The following PBX3 variants were observed in gnomAD, a reference collection of about 807,000 sequenced individuals.
PBX3 encodes the protein PBX homeobox 3.
A neutral mutation model predicts 48.5 loss-of-function variants in PBX3; 14 were observed. The ratio of observed to expected loss-of-function variants is 0.29; its 90% confidence interval spans 0.19 to 0.45. PBX3 has a LOEUF of 0.45. Among genes scored for constraint, PBX3 ranks in the 20% least tolerant of loss-of-function variants. The pLI, the probability that PBX3 is intolerant of heterozygous loss-of-function variation, is 1.00. For synonymous variants in PBX3, 210 were observed against 200.3 expected (o/e 1.05, Z -0.41); for missense variants, 386 against 546.7 (o/e 0.71, Z 2.93).
chr9:125,815,816 G>A (rs1045640070), intron 2 of PBX3, among the ~76,000 whole-genome samples: 1 of 152,050 alleles, frequency 6.6e-6, no homozygotes, highest in African/African-American at 2.4e-5. Flanking sequence ...CAAGGTTGGA[G>A]CCTCTGTCAG....
At chr9:125,836,869 T>C (rs551196307) in intron 2 of PBX3, among the ~76,000 whole-genome samples, 62 of 152,198 alleles carry the variant, frequency 4.1e-4, no homozygotes, top group African/African-American at 1.5e-3. Context: ...TTAGCAAAGA[T>C]CAAAAAGTAT....
intron 2 of PBX3, among the ~76,000 whole-genome samples, chr9:125,873,149 C>T (rs527400153): frequency 1.1e-4 from 17 of 152,062 alleles, no homozygotes; most frequent in Non-Finnish European, 2.1e-4. Flanking sequence ...TGCGCCACTG[C>T]ACTCCAGCCT....
intron 2 of PBX3, among the ~76,000 whole-genome samples, chr9:125,784,962 TC>T (rs777349070): frequency 6.6e-6 from 1 of 152,232 alleles, no homozygotes; most frequent in Non-Finnish European, 1.5e-5. Context: ...CTTTTAAATG[TC>T]CTAATTTCTC....
In PBX3 at chr9:125,950,950, A is replaced by G. The variant is rs374987191; in HGVS notation, c.844-9734A>G. On this transcript the variant is annotated intron_variant, in intron 5 of 8. Coordinates refer to ENST00000373489, the MANE Select transcript of PBX3 (RefSeq NM_006195.6). ...AAAAAGAAATGAAATTGAGTAAAGA[A>G]TAATTTTCGAAACTTGTTTTAAGTA... is the stretch of plus-strand genomic sequence containing the variant. 1.1e-4 allele frequency among the ~76,000 whole-genome samples: 16 copies of G among 152,354 alleles called. No homozygotes were observed. In the South Asian group the frequency reaches 2.9e-3, roughly 28 times the overall value.
chr9:125,752,915 A>C (rs529225788), intron 2 of PBX3, among the ~76,000 whole-genome samples: 1 of 152,244 alleles, frequency 6.6e-6, no homozygotes, highest in East Asian at 1.9e-4. Context: ...TTGTGTTTTC[A>C]TGAAACACAT....
chr9:125,947,323 G>T (rs568595795), intron 5 of PBX3, among the ~76,000 whole-genome samples: 4 of 152,206 alleles, frequency 2.6e-5, no homozygotes, highest in African/African-American at 9.6e-5. Flanking sequence ...TTTGCTTATA[G>T]TATGTATAGA....
At chr9:125,861,947 G>T (rs1839872140) in intron 2 of PBX3, among the ~76,000 whole-genome samples, 1 of 152,090 alleles carries the variant, frequency 6.6e-6, no homozygotes. Context: ...TATACTTTAG[G>T]TATATTGTAT....
chr9:125,898,249 C>T (rs1020292713), intron 2 of PBX3, among the ~76,000 whole-genome samples: 10 of 151,814 alleles, frequency 6.6e-5, no homozygotes, highest in Admixed American at 2.0e-4. Context: ...CTCTCCCGAC[C>T]TCTACCTCTC....
intron 5 of PBX3, among the ~76,000 whole-genome samples, chr9:125,942,576 T>C (rs1353740866): frequency 6.6e-6 from 1 of 152,252 alleles, no homozygotes; most frequent in Non-Finnish European, 1.5e-5. Flanking sequence ...CAGTACTTTT[T>C]TTCAGCTATA....
chr9:125,929,519 G>A, intron 3 of PBX3, 136 bp from the exon 4 acceptor site: 1 of 573,662 alleles, frequency 1.7e-6, no homozygotes, highest in South Asian at 2.7e-5. Context: ...TTTTACAAGT[G>A]TCTTAGTTTT....
At chr9:125,899,454 T>TATATATATAG (rs1377456112) in intron 2 of PBX3, among the ~76,000 whole-genome samples, 2 of 103,768 alleles carry the variant, frequency 1.9e-5, no homozygotes, top group African/African-American at 7.7e-5. Flanking sequence ...TATATATATA[T>TATATATATAG]AGAGAGAGAG....
chr9:125,831,127 A>G (rs949980351), intron 2 of PBX3, among the ~76,000 whole-genome samples: 1 of 152,192 alleles, frequency 6.6e-6, no homozygotes, highest in Non-Finnish European at 1.5e-5. Context: ...TCCTTGTGGC[A>G]GTATTTAATT....
At chr9:125,946,013 C>T (rs997418289) in intron 5 of PBX3, among the ~76,000 whole-genome samples, 5 of 152,098 alleles carry the variant, frequency 3.3e-5, no homozygotes, top group Admixed American at 6.5e-5. Flanking sequence ...GGCTTTAGAC[C>T]CCTTTACTTT....
chr9:125,837,447 A>T (rs1317224195), intron 2 of PBX3, among the ~76,000 whole-genome samples: 1 of 150,804 alleles, frequency 6.6e-6, no homozygotes, highest in East Asian at 1.9e-4. Flanking sequence ...AAGAAACATG[A>T]TGCTATTTGC....
chr9:125,748,326 C>A, intron 1 of PBX3: 1 of 1,225,812 alleles, frequency 8.2e-7, no homozygotes, highest in Non-Finnish European at 1.0e-6. Context: ...AGGCTGCTGC[C>A]TGCCGGGCAG....
At position 125,809,428 on chromosome 9, in the gene PBX3, A is replaced by ATT. The variant is rs58140229; in HGVS notation, c.274+60819_274+60820dup. ...AACATTATTTTCCATCTCAATGCTG[A>ATT]TTTTTTTTTTTTTTTGCCAAATAAT... On this transcript the variant is annotated intron_variant, in intron 2 of 8. Coordinates refer to ENST00000373489, the MANE Select transcript of PBX3 (RefSeq NM_006195.6). Among the ~76,000 whole-genome samples, 85 of 136,918 alleles carry ATT rather than the reference A, an allele frequency of 6.2e-4. No homozygotes were observed. The East Asian group carries it at 8.1e-3, about 13-fold the overall frequency. The allele number at this position is 136,918 out of a possible 152,430, so 89.8% of individuals were successfully genotyped here.
chr9:125,963,433 A>T (rs897323786), intron 8 of PBX3, among the ~76,000 whole-genome samples: 47 of 152,156 alleles, frequency 3.1e-4, no homozygotes, highest in African/African-American at 1.1e-3. Flanking sequence ...AGCGGGAAAA[A>T]TTCCCAAACA....
At chr9:125,925,827 TG>T (rs1430140377) in intron 3 of PBX3, among the ~76,000 whole-genome samples, 1 of 152,252 alleles carries the variant, frequency 6.6e-6, no homozygotes, top group Non-Finnish European at 1.5e-5. Context: ...AGAGAAATTT[TG>T]TGGCCAAATT....
intron 2 of PBX3, among the ~76,000 whole-genome samples, chr9:125,773,440 G>GTTCC (rs1352473913): frequency 6.6e-6 from 1 of 152,090 alleles, no homozygotes; most frequent in Non-Finnish European, 1.5e-5. Context: ...AGTATCCTGT[G>GTTCC]TTCCCCCTTG....
Sources: gnomAD v4.1 joint callset for allele counts (sites outside exome capture counted in the v4.1 genomes callset) on GRCh38, gnomAD v4.1.1 for gene constraint, MANE v1.5 for transcripts, NCBI Gene and HGNC (gene_info 2026-07-23, HGNC 2026-07-21) for gene names.